The following RPS6KC1 variants were observed in gnomAD, a reference collection of about 807,000 sequenced individuals.
The protein encoded by RPS6KC1 is inactive ribosomal protein S6 kinase delta-1.
A neutral mutation model predicts 103.8 loss-of-function variants in RPS6KC1; 54 were observed. The observed-to-expected ratio is 0.52, with a 90% CI of 0.42 to 0.65. The LOEUF is 0.65. RPS6KC1 is among the 30% of genes least tolerant of loss of function. RPS6KC1 has a pLI of 0.00. For missense variants in RPS6KC1, 1,151 were observed against 1,253.8 expected (o/e 0.92, Z 1.24); for synonymous variants, 439 against 438.7 (o/e 1.00, Z -0.01).
At chr1:213,408,142 G>A in the RPS6KC1 span, among the ~76,000 whole-genome samples, 105 of 152,258 alleles carry the variant, frequency 6.9e-4, no homozygotes, top group African/African-American at 2.2e-3. Context: ...TTAAACTTGG[G>A]GGTCTTTCCC....
At chr1:213,540,843 C>G in the RPS6KC1 span, among the ~76,000 whole-genome samples, 1 of 152,136 alleles carries the variant, frequency 6.6e-6, no homozygotes, top group East Asian at 1.9e-4. Context: ...TATTCTATAT[C>G]CTTTTTTGTC....
the RPS6KC1 span, among the ~76,000 whole-genome samples, chr1:213,557,888 T>A: frequency 6.6e-6 from 1 of 152,144 alleles, no homozygotes; most frequent in East Asian, 1.9e-4. Flanking sequence ...AAAGGAATTG[T>A]TTCTCAGTGG....
the RPS6KC1 span, among the ~76,000 whole-genome samples, chr1:213,585,084 T>G: frequency 6.6e-6 from 1 of 152,236 alleles, no homozygotes; most frequent in Non-Finnish European, 1.5e-5. Flanking sequence ...ACCCTAAGCC[T>G]CAGTTGCCTC....
chr1:213,440,019 G>A, the RPS6KC1 span, among the ~76,000 whole-genome samples: 5 of 152,242 alleles, frequency 3.3e-5, no homozygotes, highest in Admixed American at 2.0e-4. Context: ...ACATAGCTAC[G>A]GTTTTCTGTT....
At chr1:213,348,364 C>T in the RPS6KC1 span, among the ~76,000 whole-genome samples, 1 of 152,186 alleles carries the variant, frequency 6.6e-6, no homozygotes, top group Non-Finnish European at 1.5e-5. Context: ...TTTCATTCCT[C>T]TTGCCATTGA....
chr1:213,424,298 C>T, the RPS6KC1 span, among the ~76,000 whole-genome samples: 2 of 152,164 alleles, frequency 1.3e-5, no homozygotes, highest in Non-Finnish European at 2.9e-5. Flanking sequence ...CTTGTTCTTT[C>T]CAAAGGTGGC....
At chr1:213,644,820 A>G in the RPS6KC1 span, among the ~76,000 whole-genome samples, 1 of 152,166 alleles carries the variant, frequency 6.6e-6, no homozygotes, top group Non-Finnish European at 1.5e-5. Flanking sequence ...AGGAGTTTTT[A>G]AGATCTTTTT....
In RPS6KC1 at chr1:213,168,057, T is replaced by C. The variant is rs1405073474; in HGVS notation, c.951+84T>C. Reference sequence around the variant, plus strand: ...TGCTTTATTTCTAATTAGAATGTTATAGGATTTTGATTTTTTGAATTTTAT... The same window carrying C: ...TGCTTTATTTCTAATTAGAATGTTACAGGATTTTGATTTTTTGAATTTTAT... On this transcript the variant is annotated intron_variant, in intron 7 of 14. Coordinates refer to ENST00000366960, the MANE Select transcript of RPS6KC1 (RefSeq NM_012424.6). The C allele has an allele frequency of 3.0e-5, 23 of 779,380 alleles. No individual in the cohort carries two copies. The Admixed American group carries it at 3.3e-4, about 11-fold the overall frequency. 48.3% of individuals were successfully genotyped at this position (779,380 alleles called of 1,614,324 possible). A position where few individuals can be genotyped will look rare whatever the true frequency, so the allele number is the denominator to read the frequency against.
the RPS6KC1 span, among the ~76,000 whole-genome samples, chr1:213,330,455 C>A: frequency 6.6e-6 from 1 of 152,202 alleles, no homozygotes; most frequent in Non-Finnish European, 1.5e-5. Flanking sequence ...ATGTCTGTGG[C>A]TTACACCAGA....
rs1558675937 is a variant in RPS6KC1 at position 213,273,135 on chromosome 1, C to T, written c.*501C>T. Reference sequence around the variant, plus strand: ...AGAAAAAAGAATATACACATAATTTCTGACGGAAAACCTGTACCCTGATGC... The same window carrying T: ...AGAAAAAAGAATATACACATAATTTTTGACGGAAAACCTGTACCCTGATGC... On this transcript the variant is annotated 3_prime_UTR_variant, in exon 15 of 15. Transcript: ENST00000366960. 6.4e-6 allele frequency: 1 copy of T among 155,586 alleles called. No homozygotes were observed. The highest frequency in any genetic ancestry group is 2.4e-5 in the African/African-American group (1 of 41,458). The allele number at this position is 155,586 out of a possible 1,614,324, so 9.6% of individuals were successfully genotyped here. A position where few individuals can be genotyped will look rare whatever the true frequency, so the allele number is the denominator to read the frequency against.
At chr1:213,556,498 T>C in the RPS6KC1 span, among the ~76,000 whole-genome samples, 1 of 152,190 alleles carries the variant, frequency 6.6e-6, no homozygotes, top group Non-Finnish European at 1.5e-5. Context: ...GGGAGCAGGC[T>C]TACCTAGGCT....
the RPS6KC1 span, among the ~76,000 whole-genome samples, chr1:213,808,536 G>T: frequency 9.9e-5 from 15 of 152,226 alleles, no homozygotes; most frequent in Non-Finnish European, 1.9e-4. Flanking sequence ...ATCTCAGACT[G>T]CTGTGCTAGC....
the RPS6KC1 span, among the ~76,000 whole-genome samples, chr1:213,668,854 GA>G: frequency 6.6e-6 from 1 of 152,134 alleles, no homozygotes; most frequent in African/African-American, 2.4e-5. Context: ...ATGATATTAA[GA>G]CAGCTTATTT....
chr1:213,312,297 A>G, the RPS6KC1 span, among the ~76,000 whole-genome samples: 1 of 152,076 alleles, frequency 6.6e-6, no homozygotes. Flanking sequence ...CTCTCTTCTC[A>G]GGGGCACTTA....
chr1:213,757,721 A>G, the RPS6KC1 span, among the ~76,000 whole-genome samples: 1 of 152,234 alleles, frequency 6.6e-6, no homozygotes, highest in Non-Finnish European at 1.5e-5. Context: ...CTTCTATTGG[A>G]AGAAGATGAC....
At chr1:213,125,462 C>T (rs1214455512) in intron 5 of RPS6KC1, among the ~76,000 whole-genome samples, 1 of 151,652 alleles carries the variant, frequency 6.6e-6, no homozygotes, top group Non-Finnish European at 1.5e-5. Flanking sequence ...TTGTACACCT[C>T]TGATAGGTTT....
At chr1:213,086,818 CAT>C (rs760482294) in intron 3 of RPS6KC1, among the ~76,000 whole-genome samples, 2 of 151,922 alleles carry the variant, frequency 1.3e-5, no homozygotes. Flanking sequence ...TGCAAACCTG[CAT>C]ATATATATGT....
At chr1:213,595,974 G>T in the RPS6KC1 span, among the ~76,000 whole-genome samples, 1 of 152,116 alleles carries the variant, frequency 6.6e-6, no homozygotes, top group Non-Finnish European at 1.5e-5. Context: ...GTTGTGTTTT[G>T]TTTTATTTAG....
At chr1:213,193,866 G>A (rs935977886) in intron 8 of RPS6KC1, among the ~76,000 whole-genome samples, 1 of 151,978 alleles carries the variant, frequency 6.6e-6, no homozygotes, top group Non-Finnish European at 1.5e-5. Context: ...GGATTCAAGC[G>A]ATCTGCCCAT....
Sources: allele counts gnomAD v4.1 joint callset (sites outside exome capture counted in the v4.1 genomes callset), GRCh38; gene constraint gnomAD v4.1.1; transcripts MANE v1.5; gene names NCBI Gene and HGNC (gene_info 2026-07-23, HGNC 2026-07-21).